The following TBCE variants were observed in gnomAD, a reference collection of about 807,000 sequenced individuals.
TBCE encodes tubulin-specific chaperone E.
TBCE carries 53 observed loss-of-function variants against 77.0 expected under a neutral mutation model. The observed-to-expected ratio is 0.69, with a 90% CI of 0.55 to 0.87. The LOEUF is 0.87. Ranked by LOEUF, TBCE falls within the 40% of genes least tolerant of loss-of-function variation. The pLI is 0.00. For synonymous variants in TBCE, 235 were observed against 241.3 expected, an observed-to-expected ratio of 0.97 and a Z score of 0.24; for missense variants, 624 against 622.4, an observed-to-expected ratio of 1.00 and a Z score of -0.03.
chr1:235,447,977 A>G (rs1398451579), intron 15 of TBCE, among the ~76,000 whole-genome samples: 2 of 152,008 alleles, frequency 1.3e-5, no homozygotes, highest in Non-Finnish European at 2.9e-5. Context: ...TTGGGGGGCC[A>G]GGGCGGGCGG....
chr1:235,415,068 G>T (rs1042745893), intron 4 of TBCE: 5 of 229,378 alleles, frequency 2.2e-5, no homozygotes, highest in Admixed American at 2.1e-4. Flanking sequence ...GGGAGCTGTG[G>T]AACATGCGGC....
intron 12 of TBCE, among the ~76,000 whole-genome samples, chr1:235,438,039 G>A (rs1681577539): frequency 6.6e-6 from 1 of 152,108 alleles, no homozygotes; most frequent in Non-Finnish European, 1.5e-5. Context: ...TAGGCAGAAA[G>A]AACACAGACC....
chr1:235,443,037 G>A lies in TBCE; in HGVS notation c.1399+126G>A, dbSNP rs1572449764. ...CCTCAGAACTTACAGGTTTTCATTA[G>A]TCTTTTATATTCTAAAATACAATCA... On this transcript the variant is annotated intron_variant, in intron 15 of 16. Transcript: ENST00000642610. 3.3e-6 allele frequency: 3 copies of A among 915,886 alleles called. No individual in the cohort carries two copies. In the East Asian group the frequency reaches 7.9e-5, roughly 24 times the overall value. The allele number at this position is 915,886 out of a possible 1,614,324, so 56.7% of individuals were successfully genotyped here.
Position 235,374,920 on chromosome 1 carries a change from CTT to C in TBCE, c.-31-5082_-31-5081del, listed in dbSNP as rs1241323977. On this transcript the variant is annotated intron_variant, in intron 1 of 16. Transcript: ENST00000642610. ...TAGAGATGTAGATTTCTTTTTTTTT[CTT>C]TTTTTTTTTTTTTTTTGAGATGGAG... is the stretch of plus-strand genomic sequence containing the variant. Among the ~76,000 whole-genome samples, 523 of 111,922 alleles carry C rather than the reference CTT, an allele frequency of 4.7e-3. 16 individuals are homozygous for C. Among genetic ancestry groups the C allele is most frequent in the African/African-American group, 0.019 (496 of 25,996 alleles). 73.4% of individuals were successfully genotyped at this position (111,922 alleles called of 152,430 possible). A position where few individuals can be genotyped will look rare whatever the true frequency, so the allele number is the denominator to read the frequency against.
chr1:235,448,273 G>A (rs577472150), intron 15 of TBCE, 76 bp from the exon 16 acceptor site: 3 of 1,055,484 alleles, frequency 2.8e-6, no homozygotes, highest in Admixed American at 1.7e-5. Flanking sequence ...ATGATACTGT[G>A]GTCTCATCAC....
rs570759772 is a variant in TBCE, at chr1:235,433,949, A to G, written c.661-255A>G. On this transcript the variant is annotated intron_variant, in intron 7 of 16. Coordinates refer to ENST00000642610, the MANE Select transcript of TBCE (RefSeq NM_003193.5). ...ACCTCGTAGCTGCTTTACCTAAACC[A>G]TGCATTGACACGTACCTCCAAGGCC... The G allele has an allele frequency of 1.2e-4, 67 of 552,282 alleles. 1 individual carries two copies. Among genetic ancestry groups the G allele is most frequent in the South Asian group, 1.1e-3 (53 of 47,416 alleles). 34.2% of individuals were successfully genotyped at this position (552,282 alleles called of 1,614,324 possible). A position where few individuals can be genotyped will look rare whatever the true frequency, so the allele number is the denominator to read the frequency against.
At chr1:235,442,459 C>T (rs949559759) in intron 14 of TBCE, among the ~76,000 whole-genome samples, 4 of 151,720 alleles carry the variant, frequency 2.6e-5, no homozygotes, top group Non-Finnish European at 5.9e-5. Context: ...CATGAGCTAC[C>T]GCGCCCTGTC....
chr1:235,376,802 C>A (rs1321592578), intron 1 of TBCE, among the ~76,000 whole-genome samples: 1 of 151,932 alleles, frequency 6.6e-6, no homozygotes, highest in Non-Finnish European at 1.5e-5. Flanking sequence ...GGTGAAATCC[C>A]GTCTCTACTA....
intron 7 of TBCE, among the ~76,000 whole-genome samples, chr1:235,431,020 C>T (rs942179363): frequency 3.9e-5 from 6 of 152,176 alleles, no homozygotes; most frequent in Admixed American, 1.3e-4. Context: ...CATGTCCTAT[C>T]TCAGCTCATT....
At chr1:235,423,850 A>T (rs1251765506) in intron 5 of TBCE, 1 of 152,344 alleles carries the variant, frequency 6.6e-6, no homozygotes, top group Non-Finnish European at 1.5e-5. Context: ...CTTGGGCTGT[A>T]ATAGTCCAGG....
rs374229521 is a variant in TBCE at position 235,433,089 on chromosome 1, C to T, written c.661-1115C>T. 17 of 1,543,690 alleles carry T rather than the reference C, an allele frequency of 1.1e-5. No individual in the cohort carries two copies. The highest frequency in any genetic ancestry group is 2.7e-5 in the African/African-American group (2 of 73,056). On this transcript the variant is annotated intron_variant, in intron 7 of 16. Transcript: ENST00000642610. The stretch of plus-strand genomic sequence containing the variant: ...AGGACCACACATCCATGCGGATGAA[C>T]GTGGCCAAGGCCAGTGAGGTCACGG...
chr1:235,413,464 C>G (rs888264961), intron 3 of TBCE, among the ~76,000 whole-genome samples: 6 of 151,822 alleles, frequency 4.0e-5, no homozygotes, highest in East Asian at 1.9e-4. Flanking sequence ...AAGTTCAAGA[C>G]CAGCCTGGCC....
intron 3 of TBCE, among the ~76,000 whole-genome samples, chr1:235,407,233 A>G (rs1679493483): frequency 6.7e-6 from 1 of 149,850 alleles, no homozygotes. Context: ...TCCTATGCTC[A>G]AGCAGTTCTC....
At chr1:235,438,653 C>T (rs1681619933) in intron 12 of TBCE, 116 bp from the exon 13 acceptor site, 5 of 1,198,926 alleles carry the variant, frequency 4.2e-6, no homozygotes, top group Admixed American at 1.9e-5. Context: ...GATCTTGTCC[C>T]TCTCAATTTG....
intron 2 of TBCE, among the ~76,000 whole-genome samples, chr1:235,400,443 T>G (rs1679030253): frequency 8.4e-6 from 1 of 118,854 alleles, no homozygotes; most frequent in Non-Finnish European, 1.7e-5. Flanking sequence ...CCCTGTCGCC[T>G]AGGCTGGGGT....
intron 11 of TBCE, 95 bp from the exon 12 acceptor site, chr1:235,437,227 G>C (rs1290819376): frequency 2.0e-6 from 3 of 1,494,120 alleles, no homozygotes; most frequent in East Asian, 4.5e-5. Context: ...CCTCAGATTA[G>C]AACTAGGGAC....
chr1:235,376,130 A>C (rs1038073919), intron 1 of TBCE, among the ~76,000 whole-genome samples: 3 of 152,174 alleles, frequency 2.0e-5, no homozygotes, highest in Non-Finnish European at 2.9e-5. Flanking sequence ...CTCATTGGTC[A>C]TGTCTGTGGG....
At position 235,415,548 on chromosome 1, in the gene TBCE, T is replaced by C. The variant is rs529918870; in HGVS notation, c.371+930T>C. 8.2e-4 allele frequency: 125 copies of C among 152,318 alleles called. 1 individual carries two copies. Among genetic ancestry groups the C allele is most frequent in the African/African-American group, 2.9e-3 (122 of 41,566 alleles). 9.4% of individuals were successfully genotyped at this position (152,318 alleles called of 1,614,324 possible). A position where few individuals can be genotyped will look rare whatever the true frequency, so the allele number is the denominator to read the frequency against. ...CTGTGAGGATAAATTTGTGGCCACT[T>C]GGAGGCCTGCAATATATTTTCTTTC... On this transcript the variant is annotated intron_variant, in intron 4 of 16. Transcript: ENST00000642610.
At chr1:235,441,768 T>A in intron 13 of TBCE, 46 bp from the exon 14 acceptor site, 1 of 1,549,462 alleles carries the variant, frequency 6.5e-7, no homozygotes, top group Non-Finnish European at 8.9e-7. Flanking sequence ...TTTTTACTTA[T>A]AGTGGCCTTT....
Sources: gnomAD v4.1 joint callset for allele counts (sites outside exome capture counted in the v4.1 genomes callset) on GRCh38, gnomAD v4.1.1 for gene constraint, MANE v1.5 for transcripts, NCBI Gene and HGNC (gene_info 2026-07-23, HGNC 2026-07-21) for gene names.